The following LSAMP variants were observed in gnomAD, a reference collection of about 807,000 sequenced individuals.
LSAMP encodes limbic system associated membrane protein.
Under a neutral mutation model 38.6 loss-of-function variants are expected in LSAMP, and 7 were observed. That is an observed-to-expected ratio of 0.18 (90% confidence interval 0.10 to 0.34). The LOEUF (loss-of-function observed/expected upper bound fraction) is 0.34. Ranked by LOEUF, LSAMP falls within the 10% of genes least tolerant of loss-of-function variation. The probability of loss-of-function intolerance (pLI) is 1.00; values close to 1 mark genes in which losing one functional copy is unlikely to be tolerated. For synonymous variants in LSAMP, 154 were observed against 166.8 expected (o/e 0.92, Z 0.59); for missense variants, 313 against 420.0 (o/e 0.75, Z 2.23).
intron 6 of LSAMP, among the ~76,000 whole-genome samples, chr3:115,833,448 A>T (rs926478599): frequency 6.6e-6 from 1 of 151,702 alleles, no homozygotes; most frequent in Admixed American, 6.6e-5. Context: ...TTTGATAATA[A>T]CTCTTATTAA....
At chr3:116,291,731 T>C (rs2047270150) in intron 1 of LSAMP, among the ~76,000 whole-genome samples, 1 of 152,178 alleles carries the variant, frequency 6.6e-6, no homozygotes, top group East Asian at 1.9e-4. Flanking sequence ...CCCACACTCA[T>C]CATGGCTTTA....
At chr3:116,378,514 A>T (rs1377188299) in intron 1 of LSAMP, among the ~76,000 whole-genome samples, 1 of 152,126 alleles carries the variant, frequency 6.6e-6, no homozygotes, top group Non-Finnish European at 1.5e-5. Context: ...AGTACATTTT[A>T]GAAGTCATAA....
At chr3:116,390,688 T>A (rs913199066) in intron 1 of LSAMP, among the ~76,000 whole-genome samples, 1 of 136,766 alleles carries the variant, frequency 7.3e-6, no homozygotes, top group African/African-American at 2.9e-5. Context: ...CACATGACAT[T>A]GACATTGCAC....
rs559897694 is a variant in LSAMP, at chr3:116,114,512, T to C, written c.156-27956A>G. ...GCATTCCAGAAATGCTTTTTTTTTTTCCCCTGGGGACTTAGGGACAGCTAT... is the reference window on the plus strand; with the variant it reads ...GCATTCCAGAAATGCTTTTTTTTTTCCCCCTGGGGACTTAGGGACAGCTAT... On this transcript the variant is annotated intron_variant, in intron 1 of 6. Coordinates refer to ENST00000490035, the MANE Select transcript of LSAMP (RefSeq NM_002338.5). 4.8e-3 allele frequency among the ~76,000 whole-genome samples: 722 copies of C among 150,604 alleles called. 6 individuals are homozygous for C. Among genetic ancestry groups the C allele is most frequent in the African/African-American group, 0.016 (663 of 41,068 alleles).
rs541902493 is a variant in LSAMP at position 116,326,307 on chromosome 3, T to C, written c.155+118570A>G. On this transcript the variant is annotated intron_variant, in intron 1 of 6. Transcript: ENST00000490035. ...AATCCCTATTCTCAATTAGAATTAATATAAAAATAACATAATTGTTTTTCC... is the reference window on the plus strand; with the variant it reads ...AATCCCTATTCTCAATTAGAATTAACATAAAAATAACATAATTGTTTTTCC... 9.8e-5 allele frequency among the ~76,000 whole-genome samples: 15 copies of C among 152,288 alleles called. No homozygotes were observed. In the South Asian group the frequency reaches 1.2e-3, roughly 13 times the overall value.
At chr3:115,813,386 A>T (rs1933903059) in intron 6 of LSAMP, among the ~76,000 whole-genome samples, 1 of 152,150 alleles carries the variant, frequency 6.6e-6, no homozygotes, top group Non-Finnish European at 1.5e-5. Context: ...CATATATACT[A>T]GGTGTGTAAT....
chr3:116,316,433 T>C (rs2047629811), intron 1 of LSAMP, among the ~76,000 whole-genome samples: 1 of 151,994 alleles, frequency 6.6e-6, no homozygotes, highest in East Asian at 1.9e-4. Context: ...AACGAACATA[T>C]ATGAAAAGAA....
At chr3:116,239,442 A>G (rs1000370115) in intron 1 of LSAMP, among the ~76,000 whole-genome samples, 2 of 152,224 alleles carry the variant, frequency 1.3e-5, no homozygotes, top group Admixed American at 6.5e-5. Flanking sequence ...CAATAAAAAG[A>G]TCTGTTGAAA....
At chr3:115,991,199 A>C (rs1939656699) in intron 3 of LSAMP, among the ~76,000 whole-genome samples, 1 of 152,128 alleles carries the variant, frequency 6.6e-6, no homozygotes, top group African/African-American at 2.4e-5. Context: ...GCATGATTTT[A>C]AAACTAAACA....
intron 1 of LSAMP, among the ~76,000 whole-genome samples, chr3:116,414,202 A>T (rs2049018707): frequency 6.6e-6 from 1 of 152,020 alleles, no homozygotes; most frequent in Non-Finnish European, 1.5e-5. Context: ...GGGGATCATT[A>T]TTACTGCAAA....
At chr3:115,997,132 A>G (rs753992118) in intron 3 of LSAMP, among the ~76,000 whole-genome samples, 5 of 152,174 alleles carry the variant, frequency 3.3e-5, no homozygotes, top group Non-Finnish European at 7.4e-5. Context: ...TTGTGTTTCA[A>G]TACATCTGGA....
At chr3:115,870,282 A>T (rs1935995127) in intron 3 of LSAMP, among the ~76,000 whole-genome samples, 1 of 152,226 alleles carries the variant, frequency 6.6e-6, no homozygotes, top group African/African-American at 2.4e-5. Context: ...CTAACATGCA[A>T]GTCTGAAGAA....
At chr3:116,327,663 TTA>T (rs2047791986) in intron 1 of LSAMP, among the ~76,000 whole-genome samples, 1 of 152,198 alleles carries the variant, frequency 6.6e-6, no homozygotes, top group African/African-American at 2.4e-5. Context: ...ACACTGAATT[TTA>T]GATCCATTCC....
At chr3:116,415,216 A>C (rs2049033665) in intron 1 of LSAMP, among the ~76,000 whole-genome samples, 1 of 56,754 alleles carries the variant, frequency 1.8e-5, no homozygotes, top group Non-Finnish European at 3.5e-5. Context: ...TTTATTTTAC[A>C]ATAGTTATTA....
chr3:116,181,340 C>T (rs1339409172), intron 1 of LSAMP, among the ~76,000 whole-genome samples: 1 of 151,900 alleles, frequency 6.6e-6, no homozygotes, highest in African/African-American at 2.4e-5. Context: ...AACATAGTAA[C>T]AAAGGGCAGA....
At chr3:116,324,057 G>A (rs191872211) in intron 1 of LSAMP, among the ~76,000 whole-genome samples, 1 of 152,274 alleles carries the variant, frequency 6.6e-6, no homozygotes, top group Non-Finnish European at 1.5e-5. Flanking sequence ...AAGACCAGGA[G>A]AACCTGACTA....
chr3:116,108,256 G>A (rs1459781788), intron 1 of LSAMP, among the ~76,000 whole-genome samples: 2 of 152,154 alleles, frequency 1.3e-5, no homozygotes, highest in African/African-American at 4.8e-5. Flanking sequence ...GGAATAGTCA[G>A]GGAAGCAGAT....
intron 1 of LSAMP, among the ~76,000 whole-genome samples, chr3:116,331,022 A>T (rs1468439315): frequency 6.6e-6 from 1 of 152,114 alleles, no homozygotes; most frequent in African/African-American, 2.4e-5. Flanking sequence ...GGAGAAAGTT[A>T]AAAAAATATG....
chr3:116,088,366 C>G (rs770393395), intron 1 of LSAMP, among the ~76,000 whole-genome samples: 22 of 152,182 alleles, frequency 1.4e-4, no homozygotes, highest in Admixed American at 3.3e-4. Flanking sequence ...AATTTAGAGG[C>G]CTTTTATCAT....
Sources: gnomAD v4.1 joint callset for allele counts (sites outside exome capture counted in the v4.1 genomes callset) on GRCh38, gnomAD v4.1.1 for gene constraint, MANE v1.5 for transcripts, NCBI Gene and HGNC (gene_info 2026-07-23, HGNC 2026-07-21) for gene names.